Variants in DCC observed in about 807,000 individuals in gnomAD.
DCC encodes the protein netrin receptor DCC.
Under a neutral mutation model 172.5 loss-of-function variants are expected in DCC, and 58 were observed. The ratio of observed to expected loss-of-function variants is 0.34; its 90% CI spans 0.27 to 0.42. The LOEUF is 0.42. Ranked by LOEUF, DCC falls within the 10% of genes least tolerant of loss-of-function variation. The probability of loss-of-function intolerance (pLI) is 1.00; values close to 1 mark genes in which losing one functional copy is unlikely to be tolerated. For synonymous variants in DCC, 709 were observed against 644.5 expected (o/e 1.10, Z -1.52); for missense variants, 1,740 against 1,791.0 (o/e 0.97, Z 0.51).
intron 1 of DCC, among the ~76,000 whole-genome samples, chr18:52,410,801 C>T (rs1487474885): frequency 6.6e-6 from 1 of 152,060 alleles, no homozygotes; most frequent in East Asian, 1.9e-4. Flanking sequence ...ACATATGAAG[C>T]ATATGGGTAA....
At chr18:52,702,367 T>C (rs1356756025) in intron 1 of DCC, among the ~76,000 whole-genome samples, 1 of 152,184 alleles carries the variant, frequency 6.6e-6, no homozygotes, top group East Asian at 1.9e-4. Flanking sequence ...TTACCTCCTT[T>C]GAAAGCCACC....
intron 1 of DCC, among the ~76,000 whole-genome samples, chr18:52,608,603 G>C (rs1214578080): frequency 6.6e-6 from 1 of 152,162 alleles, no homozygotes; most frequent in Non-Finnish European, 1.5e-5. Flanking sequence ...TTACTTGTGG[G>C]TACATAAGAA....
chr18:52,494,221 T>C (rs999406682), intron 1 of DCC, among the ~76,000 whole-genome samples: 1 of 151,840 alleles, frequency 6.6e-6, no homozygotes, highest in African/African-American at 2.4e-5. Flanking sequence ...GTTTTCTTGG[T>C]TTTAGATTTT....
chr18:53,226,930 G>GTATATATATA (rs1290601706), intron 12 of DCC, among the ~76,000 whole-genome samples: 3 of 48,602 alleles, frequency 6.2e-5, no homozygotes, highest in Admixed American at 2.6e-4. Context: ...GTGTGTGTGT[G>GTATATATATA]TGTGTATATA....
At position 53,318,423 on chromosome 18, in the gene DCC, A is replaced by G. The variant is rs192038511; in HGVS notation, c.2054-3624A>G. Among the ~76,000 whole-genome samples, 11 of 152,280 alleles carry G rather than the reference A, an allele frequency of 7.2e-5. No individual in the cohort carries two copies. In the East Asian group the frequency reaches 1.9e-3, roughly 27 times the overall value. On this transcript the variant is annotated intron_variant, in intron 13 of 28. Coordinates refer to ENST00000442544, the MANE Select transcript of DCC (RefSeq NM_005215.4). The stretch of plus-strand genomic sequence containing the variant: ...CCAATTATGTGGTCAATTTTAGAAT[A>G]AGTGCGATGTGGTGCTAAGAAGAAT...
intron 5 of DCC, among the ~76,000 whole-genome samples, chr18:53,050,016 G>C (rs71368908): frequency 0.31 from 47,054 of 151,960 alleles, 8,406 homozygotes; most frequent in African/African-American, 0.49. Flanking sequence ...GCCTGAGAGC[G>C]CCTGGCAAAT....
At chr18:52,583,901 T>G (rs889239336) in intron 1 of DCC, among the ~76,000 whole-genome samples, 4 of 152,244 alleles carry the variant, frequency 2.6e-5, no homozygotes, top group African/African-American at 9.6e-5. Context: ...TTTCTTCCTT[T>G]TCTTTCACTC....
At chr18:53,500,550 T>TTGTC (rs1395927961) in intron 27 of DCC, among the ~76,000 whole-genome samples, 1 of 151,804 alleles carries the variant, frequency 6.6e-6, no homozygotes, top group Non-Finnish European at 1.5e-5. Flanking sequence ...AGAAAAATGA[T>TTGTC]TGTCTATGAA....
chr18:53,354,629 A>G (rs2057855546), intron 15 of DCC, among the ~76,000 whole-genome samples: 1 of 151,758 alleles, frequency 6.6e-6, no homozygotes, highest in Admixed American at 6.6e-5. Flanking sequence ...TTTCTTGTAA[A>G]TTTAAGTTCT....
At position 52,583,007 on chromosome 18, in the gene DCC, GC is replaced by G. The variant is rs1426337872; in HGVS notation, c.92-169046del. Among the ~76,000 whole-genome samples the G allele has an allele frequency of 3.9e-5, 6 of 152,076 alleles. No homozygotes were observed. The East Asian group carries it at 1.2e-3, about 29-fold the overall frequency. ...TAGCTTTGAGAATATAATCAACACG[GC>G]AAAAATTATAGAGTATCTGAGAGAC... is the stretch of plus-strand genomic sequence containing the variant. On this transcript the variant is annotated intron_variant, in intron 1 of 28. Transcript: ENST00000442544.
chr18:52,438,739 G>A (rs575770709), intron 1 of DCC, among the ~76,000 whole-genome samples: 42 of 152,250 alleles, frequency 2.8e-4, no homozygotes, highest in African/African-American at 9.4e-4. Context: ...AGATTTTCAA[G>A]TGGCATCACT....
chr18:53,006,490 T>C (rs776761893), intron 5 of DCC, among the ~76,000 whole-genome samples: 3 of 152,230 alleles, frequency 2.0e-5, no homozygotes, highest in Non-Finnish European at 2.9e-5. Flanking sequence ...AGATGTATTT[T>C]TGTGATAGAA....
chr18:52,513,435 A>T (rs763466404), intron 1 of DCC, among the ~76,000 whole-genome samples: 2 of 152,160 alleles, frequency 1.3e-5, no homozygotes, highest in African/African-American at 2.4e-5. Flanking sequence ...TGTGAGTTGA[A>T]ATCTGTATAA....
intron 25 of DCC, among the ~76,000 whole-genome samples, chr18:53,484,847 T>C (rs2045882776): frequency 6.6e-6 from 1 of 150,500 alleles, no homozygotes; most frequent in African/African-American, 2.5e-5. Flanking sequence ...TTGATGGGGA[T>C]TGTGTTAAAT....
chr18:53,155,453 A>T (rs1026256952), intron 7 of DCC, among the ~76,000 whole-genome samples: 1 of 152,216 alleles, frequency 6.6e-6, no homozygotes, highest in African/African-American at 2.4e-5. Context: ...TAAAGAAAAC[A>T]GAGTTATCAC....
intron 2 of DCC, among the ~76,000 whole-genome samples, chr18:52,815,803 T>A (rs1227002024): frequency 1.3e-5 from 2 of 152,232 alleles, no homozygotes. Context: ...TAGGACATGT[T>A]ATATAAATAT....
chr18:52,894,103 T>C (rs1240501608), intron 2 of DCC, among the ~76,000 whole-genome samples: 1 of 152,160 alleles, frequency 6.6e-6, no homozygotes, highest in East Asian at 1.9e-4. Context: ...TGAACTCCCA[T>C]TCTTTATTCC....
chr18:52,731,919 A>G (rs2036648644), intron 1 of DCC, among the ~76,000 whole-genome samples: 1 of 152,152 alleles, frequency 6.6e-6, no homozygotes, highest in Admixed American at 6.6e-5. Context: ...TTTTTGTTCT[A>G]TTGAATTATT....
chr18:53,363,667 A>G (rs1445637765), intron 15 of DCC, among the ~76,000 whole-genome samples: 1 of 152,146 alleles, frequency 6.6e-6, no homozygotes, highest in Non-Finnish European at 1.5e-5. Flanking sequence ...TTTTCTTCCC[A>G]GATAAATTCC....
Sources: allele counts gnomAD v4.1 joint callset (sites outside exome capture counted in the v4.1 genomes callset), GRCh38; gene constraint gnomAD v4.1.1; transcripts MANE v1.5; gene names NCBI Gene and HGNC (gene_info 2026-07-23, HGNC 2026-07-21).